PKHD1: variants seen among roughly 807,000 people sequenced by gnomAD.
The protein encoded by PKHD1 is PKHD1 ciliary IPT domain containing fibrocystin/polyductin.
A neutral mutation model predicts 412.0 loss-of-function variants in PKHD1; 291 were observed. The observed-to-expected ratio is 0.71, with a 90% CI of 0.64 to 0.78. PKHD1 has a LOEUF of 0.78. Ranked by LOEUF, PKHD1 falls within the 30% of genes least tolerant of loss-of-function variation. PKHD1 has a pLI of 0.00. For synonymous variants in PKHD1, 1,777 were observed against 1,821.5 expected (o/e 0.98, Z 0.62); for missense variants, 4,825 against 4,950.7 (o/e 0.97, Z 0.76).
rs377723588 is a variant in PKHD1 at position 52,067,709 on chromosome 6, G to T, written c.779-1632C>A. Among the ~76,000 whole-genome samples, 138 of 152,304 alleles carry T rather than the reference G, an allele frequency of 9.1e-4. 1 individual carries two copies. Among genetic ancestry groups the T allele is most frequent in the African/African-American group, 3.1e-3 (128 of 41,560 alleles). On this transcript the variant is annotated intron_variant, in intron 11 of 66. Coordinates refer to ENST00000371117, the MANE Select transcript of PKHD1 (RefSeq NM_138694.4). ...GAGAGGGCATTTAAAGCAAAAGATA[G>T]CCTGAGTGTGGACAGAAGAAATTGC...
chr6:52,085,068 G>A (rs1373321866), intron 1 of PKHD1, 51 bp from the exon 2 acceptor site: 32 of 716,104 alleles, frequency 4.5e-5, no homozygotes, highest in South Asian at 4.4e-5. Context: ...GTTTACATAC[G>A]ATTATTTTGC....
chr6:51,866,567 A>G (rs1775094125), intron 48 of PKHD1, among the ~76,000 whole-genome samples: 1 of 152,146 alleles, frequency 6.6e-6, no homozygotes, highest in East Asian at 1.9e-4. Context: ...GTGCCTCTCC[A>G]AGAGACAGCC....
intron 48 of PKHD1, among the ~76,000 whole-genome samples, chr6:51,865,997 A>C (rs566346816): frequency 6.7e-6 from 1 of 149,390 alleles, no homozygotes; most frequent in African/African-American, 2.5e-5. Context: ...GTAATTCAGG[A>C]CATCTGGGGC....
At chr6:51,871,233 A>G (rs1236165130) in intron 46 of PKHD1, among the ~76,000 whole-genome samples, 1 of 152,238 alleles carries the variant, frequency 6.6e-6, no homozygotes, top group Non-Finnish European at 1.5e-5. Context: ...ACAAATGTTC[A>G]TAACAGTTCC....
intron 50 of PKHD1, among the ~76,000 whole-genome samples, chr6:51,842,288 C>T (rs1487682381): frequency 1.3e-5 from 2 of 152,156 alleles, no homozygotes; most frequent in African/African-American, 2.4e-5. Context: ...GGGAGGGCAA[C>T]TGTGAATGGC....
At chr6:52,016,635 C>CAAAAAAAAAAA (rs10579713) in intron 34 of PKHD1, among the ~76,000 whole-genome samples, 19 of 118,850 alleles carry the variant, frequency 1.6e-4, no homozygotes, top group African/African-American at 4.1e-4. Flanking sequence ...GACTCTGTCT[C>CAAAAAAAAAAA]AAAAAAAAAA....
At position 52,064,997 on chromosome 6, in the gene PKHD1, G is replaced by T. The variant is rs372340268; in HGVS notation, c.934C>A (p.Arg312=). ...AGCCTCACATCTTTTCCTGGAGCCC[G>T]AGTGGTGCACTCAATCTTCCTGGGA... The part of the protein sequence containing the change: ...VSPRKIECTT[R]APGKDVRLTT... Residue 312 remains arginine, a synonymous_variant, in exon 13 of 67, where the codon CGG becomes AGG. Transcript: ENST00000371117. 6.2e-7 allele frequency: 1 copy of T among 1,604,216 alleles called. No individual in the cohort carries two copies. Among genetic ancestry groups the T allele is most frequent in the East Asian group, 2.3e-5 (1 of 43,946 alleles).
intron 61 of PKHD1, among the ~76,000 whole-genome samples, chr6:51,658,360 A>T (rs2150408286): frequency 6.6e-6 from 1 of 152,222 alleles, no homozygotes; most frequent in Non-Finnish European, 1.5e-5. Flanking sequence ...TTTCACTTGG[A>T]TATGTTGCTC....
intron 37 of PKHD1, among the ~76,000 whole-genome samples, chr6:51,915,696 G>A (rs1401498416): frequency 1.3e-5 from 2 of 151,898 alleles, no homozygotes; most frequent in Admixed American, 1.3e-4. Flanking sequence ...AAACCCATGT[G>A]TTCAGTACTC....
In PKHD1 at chr6:51,753,225, T is replaced by C. The variant is rs1267792511; in HGVS notation, c.8926A>G (p.Lys2976Glu). Residue 2976 changes from lysine to glutamate, a missense_variant, in exon 57 of 67, where the codon AAG becomes GAG. Coordinates refer to ENST00000371117, the MANE Select transcript of PKHD1 (RefSeq NM_138694.4). Reference sequence around the variant, plus strand: ...CCTGAAAATTCTTCTCGGCTGGACTTCCTGAAGGACCCCACAAACAGTCTC... The same window carrying C: ...CCTGAAAATTCTTCTCGGCTGGACTCCCTGAAGGACCCCACAAACAGTCTC... ...RGRLFVGSFR[K>E]SSREEFSGVL... 1.9e-6 allele frequency: 3 copies of C among 1,613,846 alleles called. No individual in the cohort carries two copies. The highest frequency in any genetic ancestry group is 2.5e-6 in the Non-Finnish European group (3 of 1,179,794).
intron 63 of PKHD1, among the ~76,000 whole-genome samples, chr6:51,644,914 G>T (rs1769892624): frequency 6.6e-6 from 1 of 152,106 alleles, no homozygotes; most frequent in Non-Finnish European, 1.5e-5. Context: ...TCTTGACCTT[G>T]TGATCTGCCC....
chr6:51,746,100 T>TA (rs1023016035), intron 59 of PKHD1, among the ~76,000 whole-genome samples: 3 of 152,170 alleles, frequency 2.0e-5, no homozygotes, highest in Admixed American at 1.3e-4. Flanking sequence ...TTTCATGGCA[T>TA]AAAAAAATCC....
intron 35 of PKHD1, among the ~76,000 whole-genome samples, chr6:51,977,127 C>G (rs1204882915): frequency 6.6e-6 from 1 of 152,074 alleles, no homozygotes; most frequent in Non-Finnish European, 1.5e-5. Flanking sequence ...ATCTAACATC[C>G]TCATTTTTCA....
chr6:51,655,337 A>C (rs1771636603), intron 61 of PKHD1, among the ~76,000 whole-genome samples: 1 of 152,164 alleles, frequency 6.6e-6, no homozygotes, highest in Admixed American at 6.5e-5. Flanking sequence ...AAAATGCTAA[A>C]GGTGACTGAA....
At chr6:51,666,274 A>G (rs1581935587) in intron 60 of PKHD1, among the ~76,000 whole-genome samples, 1 of 152,204 alleles carries the variant, frequency 6.6e-6, no homozygotes, top group Non-Finnish European at 1.5e-5. Context: ...CCTCGTAAGT[A>G]CCACAAACAT....
At chr6:51,653,891 G>GT (rs2150387196) in intron 61 of PKHD1, among the ~76,000 whole-genome samples, 1 of 152,230 alleles carries the variant, frequency 6.6e-6, no homozygotes, top group East Asian at 1.9e-4. Flanking sequence ...TCTAGCATGA[G>GT]TATTTTATCT....
Position 51,664,941 on chromosome 6 carries a change from G to A in PKHD1, c.10157-4972C>T, listed in dbSNP as rs1407348351. 3.3e-5 allele frequency among the ~76,000 whole-genome samples: 5 copies of A among 151,994 alleles called. No individual in the cohort carries two copies. In the East Asian group the frequency reaches 9.7e-4, roughly 29 times the overall value. ...TAGTATCTTCTTATTTAAATAAAGA[G>A]TTTCATCAAATATTAGTTATTATAA... On this transcript the variant is annotated intron_variant, in intron 60 of 66. Transcript: ENST00000371117.
At chr6:51,925,040 G>A (rs574195597) in intron 37 of PKHD1, among the ~76,000 whole-genome samples, 27 of 152,278 alleles carry the variant, frequency 1.8e-4, no homozygotes, top group Middle Eastern at 3.4e-3. Context: ...AGGTCCACTA[G>A]CTAGTTCACG....
intron 36 of PKHD1, among the ~76,000 whole-genome samples, chr6:51,942,441 C>G (rs1377602560): frequency 6.6e-6 from 1 of 151,694 alleles, no homozygotes; most frequent in Non-Finnish European, 1.5e-5. Context: ...GTTCTCATAA[C>G]TTCCAAAACC....
Sources: gnomAD v4.1 joint callset for allele counts (sites outside exome capture counted in the v4.1 genomes callset) on GRCh38, gnomAD v4.1.1 for gene constraint, MANE v1.5 for transcripts, NCBI Gene and HGNC (gene_info 2026-07-23, HGNC 2026-07-21) for gene names.